Variants in SNX29 observed in about 807,000 individuals in gnomAD.
The protein encoded by SNX29 is sorting nexin-29.
A neutral mutation model predicts 102.1 loss-of-function variants in SNX29; 78 were observed. That is an observed-to-expected ratio of 0.76 (90% CI 0.64 to 0.92). The LOEUF is 0.92. Ranked by LOEUF, SNX29 falls within the 40% of genes least tolerant of loss-of-function variation. The pLI, the probability that SNX29 is intolerant of heterozygous loss-of-function variation, is 0.00. For synonymous variants in SNX29, 580 were observed against 414.5 expected (o/e 1.40, Z -4.85); for missense variants, 1,280 against 1,061.7 (o/e 1.21, Z -2.86).
At chr16:12,248,703 C>CCG in intron 14 of SNX29, among the ~76,000 whole-genome samples, 1 of 152,158 alleles carries the variant, frequency 6.6e-6, no homozygotes, top group African/African-American at 2.4e-5. Flanking sequence ...GCATGAGCCA[C>CCG]CGCACCCAGC....
chr16:12,212,451 T>A (rs1212323146), intron 14 of SNX29, among the ~76,000 whole-genome samples: 4 of 152,072 alleles, frequency 2.6e-5, no homozygotes. Context: ...GGGGAAGTGT[T>A]AATAGAACTG....
intron 15 of SNX29, among the ~76,000 whole-genome samples, chr16:12,340,583 G>A (rs1367274277): frequency 1.3e-5 from 2 of 152,186 alleles, no homozygotes; most frequent in African/African-American, 2.4e-5. Context: ...GTCATCTGGA[G>A]CAGAGTGACC....
intron 20 of SNX29, among the ~76,000 whole-genome samples, chr16:12,538,288 T>C (rs963742597): frequency 6.6e-6 from 1 of 152,112 alleles, no homozygotes; most frequent in Non-Finnish European, 1.5e-5. Flanking sequence ...GCTAATTTTG[T>C]ATTTTTGTTT....
At position 12,512,377 on chromosome 16, in the gene SNX29, T is replaced by C. The variant is rs1224410887; in HGVS notation, c.2179-12325T>C. Among the ~76,000 whole-genome samples, 37 of 19,876 alleles carry C rather than the reference T, an allele frequency of 1.9e-3. 1 individual carries two copies. Among genetic ancestry groups the C allele is most frequent in the African/African-American group, 0.011 (36 of 3,178 alleles). 13.0% of individuals were successfully genotyped at this position (19,876 alleles called of 152,430 possible). On this transcript the variant is annotated intron_variant, in intron 19 of 20. Coordinates refer to ENST00000566228, the MANE Select transcript of SNX29 (RefSeq NM_032167.5). ...ATGGAAGGCCCAGGGAAAATATATA[T>C]ATATATATATATATATATATATATA...
At chr16:12,077,966 A>T (rs1037194358) in intron 10 of SNX29, among the ~76,000 whole-genome samples, 11 of 152,090 alleles carry the variant, frequency 7.2e-5, no homozygotes, top group African/African-American at 2.2e-4. Context: ...ACCTGGTTTT[A>T]TGTCTGTTCC....
At chr16:12,323,487 A>G (rs185583482) in intron 15 of SNX29, among the ~76,000 whole-genome samples, 48 of 151,694 alleles carry the variant, frequency 3.2e-4, no homozygotes, top group Non-Finnish European at 5.1e-4. Context: ...GTTAGTGTCT[A>G]GTCAGCCACT....
At chr16:12,388,849 G>A (rs2083427390) in intron 16 of SNX29, among the ~76,000 whole-genome samples, 1 of 152,198 alleles carries the variant, frequency 6.6e-6, no homozygotes, top group African/African-American at 2.4e-5. Context: ...GTGTTGGTAA[G>A]GGATATTCTA....
At chr16:12,565,825 AC>A (rs2078979678) in intron 20 of SNX29, among the ~76,000 whole-genome samples, 1 of 151,492 alleles carries the variant, frequency 6.6e-6, no homozygotes, top group Non-Finnish European at 1.5e-5. Context: ...ACTTCTGGTC[AC>A]CCTCCACACC....
intron 20 of SNX29, among the ~76,000 whole-genome samples, chr16:12,544,713 TAATAGGA>T (rs1555573630): frequency 9.8e-5 from 15 of 152,300 alleles, no homozygotes; most frequent in South Asian, 4.2e-4. Context: ...ACCATCCCTT[TAATAGGA>T]GGGGAAACCT....
intron 1 of SNX29, among the ~76,000 whole-genome samples, chr16:11,993,563 A>G (rs1300724636): frequency 2.0e-5 from 3 of 152,068 alleles, no homozygotes; most frequent in African/African-American, 4.8e-5. Context: ...GCACAATACA[A>G]TTTCCCTCAT....
intron 13 of SNX29, among the ~76,000 whole-genome samples, chr16:12,155,144 C>T (rs1027182693): frequency 6.6e-6 from 1 of 152,142 alleles, no homozygotes; most frequent in Non-Finnish European, 1.5e-5. Context: ...GTTGCCCCAC[C>T]ACCCCTTCCG....
At position 12,569,989 on chromosome 16, in the gene SNX29, C is replaced by A; in HGVS notation, c.*1360C>A. ...CCATGGGCTTGTCCTGGAACTGCTT[C>A]AACTCAGTGGCTTAAAATGAGAACT... On this transcript the variant is annotated 3_prime_UTR_variant, in exon 21 of 21. Transcript: ENST00000566228. 1 of 254,946 alleles carries A rather than the reference C, an allele frequency of 3.9e-6. No individual in the cohort carries two copies. Among genetic ancestry groups the A allele is most frequent in the Non-Finnish European group, 7.2e-6 (1 of 138,110 alleles). 15.8% of individuals were successfully genotyped at this position (254,946 alleles called of 1,614,324 possible). A position where few individuals can be genotyped will look rare whatever the true frequency, so the allele number is the denominator to read the frequency against.
At chr16:12,417,701 C>A (rs965263044) in intron 18 of SNX29, among the ~76,000 whole-genome samples, 3 of 151,256 alleles carry the variant, frequency 2.0e-5, no homozygotes, top group Non-Finnish European at 4.4e-5. Flanking sequence ...TGTGTCCTCT[C>A]TTCTCTTTCC....
At position 12,503,864 on chromosome 16, in the gene SNX29, T is replaced by C. The variant is rs945584876; in HGVS notation, c.2179-20838T>C. Among the ~76,000 whole-genome samples, 4 of 152,244 alleles carry C rather than the reference T, an allele frequency of 2.6e-5. No individual in the cohort carries two copies. The East Asian group carries it at 5.8e-4, about 22-fold the overall frequency. ...AGATTCCATTGTTCTGTTTGAGCCA[T>C]GTGTCCATTCTTTTTTTAAAAAAAG... On this transcript the variant is annotated intron_variant, in intron 19 of 20. Transcript: ENST00000566228.
chr16:12,410,161 A>AT (rs760538844), intron 18 of SNX29, among the ~76,000 whole-genome samples: 4 of 151,574 alleles, frequency 2.6e-5, no homozygotes, highest in Admixed American at 6.6e-5. Flanking sequence ...CGCCTGGCTA[A>AT]TTTTTTGTAG....
chr16:12,497,284 C>G (rs1453610090), intron 19 of SNX29, among the ~76,000 whole-genome samples: 2 of 152,226 alleles, frequency 1.3e-5, no homozygotes, highest in Admixed American at 1.3e-4. Context: ...TTTTATTTCA[C>G]AAACCTGTAT....
rs2076733929 is a variant in SNX29, at chr16:12,524,814, C to A, written c.2291C>A (p.Thr764Asn). 1.2e-6 allele frequency: 2 copies of A among 1,613,578 alleles called. No homozygotes were observed. The highest frequency in any genetic ancestry group is 1.7e-6 in the Non-Finnish European group (2 of 1,179,720). The change falls in exon 20 of 21, where the codon ACC becomes AAC. Residue 764 changes from threonine to asparagine, a missense_variant. Thr to Asn is a moderately conservative substitution (Grantham distance 65). Coordinates refer to ENST00000566228, the MANE Select transcript of SNX29 (RefSeq NM_032167.5). ...PEFAASPKKE[T>N]LIQLMPFFVD... ...TTCGCTGCCAGCCCCAAGAAGGAGA[C>A]CCTCATCCAGCTGATGCCCTTCTTC...
intron 20 of SNX29, among the ~76,000 whole-genome samples, chr16:12,525,443 C>T (rs1297806177): frequency 2.6e-5 from 4 of 152,120 alleles, no homozygotes; most frequent in South Asian, 2.1e-4. Context: ...GAGGCTGAGG[C>T]GGGTGGATCA....
In SNX29 at chr16:12,177,950, G is replaced by A. The variant is rs1043644141; in HGVS notation, c.1596-21651G>A. ...GATAGTTTTTTGGCATCTGTTTTTT[G>A]TCTAGCTTTTCTCCAGCTGTTGTGC... On this transcript the variant is annotated intron_variant, in intron 13 of 20. Transcript: ENST00000566228. Among the ~76,000 whole-genome samples, 3 of 152,286 alleles carry A rather than the reference G, an allele frequency of 2.0e-5. No individual in the cohort carries two copies. In the East Asian group the frequency reaches 5.8e-4, roughly 29 times the overall value.
Sources: gnomAD v4.1 joint callset for allele counts (sites outside exome capture counted in the v4.1 genomes callset) on GRCh38, gnomAD v4.1.1 for gene constraint, MANE v1.5 for transcripts, NCBI Gene and HGNC (gene_info 2026-07-23, HGNC 2026-07-21) for gene names.